TMEM268: variants seen among roughly 807,000 people sequenced by gnomAD.
The protein encoded by TMEM268 is transmembrane protein 268.
TMEM268 carries 24 observed loss-of-function variants against 39.1 expected under a neutral mutation model. That is an observed-to-expected ratio of 0.61 (90% confidence interval 0.44 to 0.86). The LOEUF (loss-of-function observed/expected upper bound fraction) is 0.86. Among genes scored for constraint, TMEM268 ranks in the 40% least tolerant of loss-of-function variants. TMEM268 has a pLI of 0.00. For missense variants in TMEM268, 409 were observed against 428.6 expected, an observed-to-expected ratio of 0.95 and a Z score of 0.40; for synonymous variants, 176 against 173.5, an observed-to-expected ratio of 1.01 and a Z score of -0.12.
At chr9:114,631,795 C>T (rs1846410497) in intron 5 of TMEM268, among the ~76,000 whole-genome samples, 1 of 152,046 alleles carries the variant, frequency 6.6e-6, no homozygotes, top group Non-Finnish European at 1.5e-5. Context: ...GTACATTAAA[C>T]TCATGCAAAC....
intron 6 of TMEM268, 122 bp downstream of exon 6, chr9:114,634,000 TGTTG>T: frequency 2.0e-6 from 1 of 512,054 alleles, no homozygotes; most frequent in Non-Finnish European, 3.5e-6. Context: ...ATGAGATGGC[TGTTG>T]GCAGCCCTTT....
chr9:114,624,377 T>C lies in TMEM268; in HGVS notation c.134T>C (p.Val45Ala). The C allele has an allele frequency of 1.2e-6, 2 of 1,603,812 alleles. No homozygotes were observed. Among genetic ancestry groups the C allele is most frequent in the Non-Finnish European group, 1.7e-6 (2 of 1,174,628 alleles). Residue 45 changes from valine (V) to alanine (A), a missense_variant, in exon 3 of 9, where the codon GTT (valine) becomes GCT (alanine). By Grantham distance (64) the Val-to-Ala change is moderately conservative (BLOSUM62 0). Coordinates refer to ENST00000288502, the MANE Select transcript of TMEM268 (RefSeq NM_153045.4). Reference protein sequence around the residue: ...QELHNGQVLTVLRIDNTCAPI... With the variant: ...QELHNGQVLTALRIDNTCAPI... ...CTCCACAATGGCCAGGTCCTCACTGTTCTCCGGATTGACAATACCTGTGCA... is the reference window on the plus strand; with the variant it reads ...CTCCACAATGGCCAGGTCCTCACTGCTCTCCGGATTGACAATACCTGTGCA...
In TMEM268 at chr9:114,611,537, G is replaced by GGCA. The variant is rs1845485339; in HGVS notation, c.-104_-103insAGC. ...CCGACCTTCCGCGTCCCGGGGTGGC[G>GGCA]GCGGCGGCGGCGGCGGCGGCGCGGG... is the stretch of plus-strand genomic sequence containing the variant. On this transcript the variant is annotated 5_prime_UTR_variant, in exon 1 of 9. Transcript: ENST00000288502. The GGCA allele has an allele frequency of 6.1e-6, 1 of 164,500 alleles. No individual in the cohort carries two copies. The highest frequency in any genetic ancestry group is 1.2e-5 in the Non-Finnish European group (1 of 82,004). 10.2% of individuals were successfully genotyped at this position (164,500 alleles called of 1,614,324 possible). A position where few individuals can be genotyped will look rare whatever the true frequency, so the allele number is the denominator to read the frequency against.
At chr9:114,641,730 G>T (rs1188824846) in intron 8 of TMEM268, among the ~76,000 whole-genome samples, 1 of 152,134 alleles carries the variant, frequency 6.6e-6, no homozygotes, top group Non-Finnish European at 1.5e-5. Flanking sequence ...TCTGCCTCCG[G>T]GTTCAAGTGA....
chr9:114,642,703 A>G (rs1827407107), intron 8 of TMEM268, among the ~76,000 whole-genome samples: 1 of 151,884 alleles, frequency 6.6e-6, no homozygotes. Flanking sequence ...CTGGTCTCAA[A>G]CTCCTGACCT....
chr9:114,616,656 G>A (rs1292756887), intron 1 of TMEM268, among the ~76,000 whole-genome samples: 4 of 151,712 alleles, frequency 2.6e-5, no homozygotes, highest in African/African-American at 9.7e-5. Context: ...GTGAGCCACC[G>A]TGCCTGGCTG....
intron 5 of TMEM268, among the ~76,000 whole-genome samples, chr9:114,630,416 C>T (rs1275679785): frequency 2.0e-5 from 3 of 152,224 alleles, no homozygotes; most frequent in African/African-American, 4.8e-5. Context: ...GCCATCATCA[C>T]TGTCTGCTCA....
chr9:114,639,139 A>T (rs1386854654), intron 8 of TMEM268, among the ~76,000 whole-genome samples: 1 of 151,166 alleles, frequency 6.6e-6, no homozygotes, highest in Non-Finnish European at 1.5e-5. Context: ...TCTTCTTTGA[A>T]TTTTTTTTTG....
chr9:114,637,976 C>T (rs1224446195), intron 7 of TMEM268, among the ~76,000 whole-genome samples: 1 of 152,206 alleles, frequency 6.6e-6, no homozygotes, highest in Non-Finnish European at 1.5e-5. Flanking sequence ...TATTCATTTG[C>T]AACATATGGA....
At chr9:114,614,367 T>C (rs1845619700) in intron 1 of TMEM268, among the ~76,000 whole-genome samples, 1 of 152,242 alleles carries the variant, frequency 6.6e-6, no homozygotes, top group South Asian at 2.1e-4. Context: ...ATGCAATCTG[T>C]GCAGTCACAC....
intron 1 of TMEM268, among the ~76,000 whole-genome samples, chr9:114,614,005 C>CGG (rs1440889548): frequency 6.6e-6 from 1 of 152,124 alleles, no homozygotes; most frequent in African/African-American, 2.4e-5. Flanking sequence ...GTCTGGTGAG[C>CGG]CGAGTACTGG....
Position 114,643,947 on chromosome 9 carries a change from A to C in TMEM268, c.*634A>C, listed in dbSNP as rs1195657249. On this transcript the variant is annotated 3_prime_UTR_variant, in exon 9 of 9. Transcript: ENST00000288502. The stretch of plus-strand genomic sequence containing the variant: ...AGGCTGCAGAAGACAGAGACAGAAG[A>C]AAGAGATCAAGGGCAGATAACTGTT... 1 of 152,288 alleles carries C rather than the reference A, an allele frequency of 6.6e-6. No individual in the cohort carries two copies. Among genetic ancestry groups the C allele is most frequent in the Non-Finnish European group, 1.5e-5 (1 of 68,078 alleles). 9.4% of individuals were successfully genotyped at this position (152,288 alleles called of 1,614,324 possible). A position where few individuals can be genotyped will look rare whatever the true frequency, so the allele number is the denominator to read the frequency against.
intron 8 of TMEM268, 40 bp from the exon 9 acceptor site, chr9:114,643,094 C>A: frequency 6.2e-7 from 1 of 1,608,242 alleles, no homozygotes; most frequent in Non-Finnish European, 8.5e-7. Context: ...CCTCAAGGGG[C>A]TCCCCTGTGG....
chr9:114,608,027 A>G (rs1401574224), upstream of TMEM268, among the ~76,000 whole-genome samples: 1 of 152,176 alleles, frequency 6.6e-6, no homozygotes. Context: ...GCCCACCACA[A>G]GGACCTTGTG....
Position 114,622,304 on chromosome 9 carries a change from C to T in TMEM268, c.107-2046C>T, listed in dbSNP as rs535047250. On this transcript the variant is annotated intron_variant, in intron 2 of 8. Coordinates refer to ENST00000288502, the MANE Select transcript of TMEM268 (RefSeq NM_153045.4). ...TGTCCTGCCTCATTGTCTAAGCAGC[C>T]GCCATAGAGAATATGCCAAAATATC... The T allele has an allele frequency of 5.8e-5, 57 of 985,312 alleles. No individual in the cohort carries two copies. The African/African-American group carries it at 7.5e-4, about 13-fold the overall frequency. 61.0% of individuals were successfully genotyped at this position (985,312 alleles called of 1,614,324 possible). A position where few individuals can be genotyped will look rare whatever the true frequency, so the allele number is the denominator to read the frequency against.
At chr9:114,613,947 G>A (rs754381949) in intron 1 of TMEM268, among the ~76,000 whole-genome samples, 11 of 152,096 alleles carry the variant, frequency 7.2e-5, no homozygotes, top group Non-Finnish European at 1.2e-4. Flanking sequence ...TTTGACCTGC[G>A]GTTTTTTCTC....
At chr9:114,634,915 T>C (rs1564298262) in intron 6 of TMEM268, among the ~76,000 whole-genome samples, 2 of 152,192 alleles carry the variant, frequency 1.3e-5, no homozygotes, top group Admixed American at 1.3e-4. Context: ...GCAGTTCAAG[T>C]GTGACATTGT....
intron 2 of TMEM268, 95 bp from the exon 3 acceptor site, chr9:114,624,255 A>T (rs1589339290): frequency 1.3e-6 from 2 of 1,517,278 alleles, no homozygotes; most frequent in East Asian, 2.5e-5. Flanking sequence ...GGAGGTTCTC[A>T]TGGCCAGAGG....
At chr9:114,628,461 A>AC (rs1389100216) in intron 5 of TMEM268, among the ~76,000 whole-genome samples, 1 of 152,146 alleles carries the variant, frequency 6.6e-6, no homozygotes, top group Non-Finnish European at 1.5e-5. Context: ...GTTTTTCTGG[A>AC]AGCAAGCTGT....
Sources: gnomAD v4.1 joint callset for allele counts (sites outside exome capture counted in the v4.1 genomes callset) on GRCh38, gnomAD v4.1.1 for gene constraint, MANE v1.5 for transcripts, NCBI Gene and HGNC (gene_info 2026-07-23, HGNC 2026-07-21) for gene names.